The following SIDT2 variants were observed in gnomAD, a reference collection of about 807,000 sequenced individuals.
The protein encoded by SIDT2 is SID1 transmembrane family member 2, also known as SID1 transmembrane family, member 2.
Under a neutral mutation model 114.4 loss-of-function variants are expected in SIDT2, and 68 were observed. The observed-to-expected ratio is 0.59, with a 90% CI of 0.49 to 0.73. The LOEUF (loss-of-function observed/expected upper bound fraction) is 0.73, where lower values mean the gene tolerates loss of function less well. Among genes scored for constraint, SIDT2 ranks in the 30% least tolerant of loss-of-function variants. The pLI is 0.00. For synonymous variants in SIDT2, 470 were observed against 438.4 expected (o/e 1.07, Z -0.90); for missense variants, 918 against 1,097.1 (o/e 0.84, Z 2.31).
chr11:117,182,513 C>G lies in SIDT2; in HGVS notation c.517-6C>G, dbSNP rs746173558. On this transcript the variant is annotated splice_polypyrimidine_tract_variant and splice_region_variant and intron_variant, in intron 4 of 25. Coordinates refer to ENST00000324225, the MANE Select transcript of SIDT2 (RefSeq NM_001040455.2). ...TGGGGCTCTCCCTTCCTTCCTGCAC[C>G]CTCAGTACTTCAAGTATGAGTTCCC... The G allele has an allele frequency of 1.4e-5, 22 of 1,613,436 alleles. No individual in the cohort carries two copies. Among genetic ancestry groups the G allele is most frequent in the Middle Eastern group, 1.6e-4 (1 of 6,082 alleles).
rs1180887031 is a variant in SIDT2 at position 117,193,883 on chromosome 11, C to T, written c.2242C>T (p.Pro748Ser). 2 of 1,614,116 alleles carry T rather than the reference C, an allele frequency of 1.2e-6. No homozygotes were observed. The highest frequency in any genetic ancestry group is 2.2e-5 in the South Asian group (2 of 91,086). The stretch of plus-strand genomic sequence containing the variant: ...GAGTGGGGAGAGGATCAAGCTCATC[C>T]CCCTGCTCTGCATCGTTTGCACCTC... ...LRSGERIKLI[P>S]LLCIVCTSVV... The change falls in exon 24 of 26, where the codon CCC (proline) becomes TCC (serine). Residue 748 changes from proline (P) to serine (S), a missense_variant. Physicochemically the swap from Pro to Ser is moderately conservative, Grantham distance 74 (BLOSUM62 -1). This residue lies in a region of SIDT2 where 275 missense variants were observed against 397.6 expected (regional missense o/e 0.69). Transcript: ENST00000324225.
Position 117,190,949 on chromosome 11 carries a change from G to A in SIDT2, c.1735+209G>A. 1 of 544,610 alleles carries A rather than the reference G, an allele frequency of 1.8e-6. No homozygotes were observed. Among genetic ancestry groups the A allele is most frequent in the Non-Finnish European group, 3.3e-6 (1 of 303,476 alleles). 33.7% of individuals were successfully genotyped at this position (544,610 alleles called of 1,614,324 possible). A position where few individuals can be genotyped will look rare whatever the true frequency, so the allele number is the denominator to read the frequency against. The stretch of plus-strand genomic sequence containing the variant: ...ATCTGTCAAGCTATTCCTATGTAAA[G>A]GCATGTGCCGCAGTGAAGAAAACAG... On this transcript the variant is annotated intron_variant, in intron 18 of 25. Coordinates refer to ENST00000324225, the MANE Select transcript of SIDT2 (RefSeq NM_001040455.2). The surrounding 1 kb of genome is among the most constrained non-coding windows in gnomAD (Gnocchi z 4.1).
Position 117,196,480 on chromosome 11 carries a change from TC to T in SIDT2, c.*417del, listed in dbSNP as rs1299457437. 6.6e-5 allele frequency: 15 copies of T among 228,864 alleles called. No homozygotes were observed. The highest frequency in any genetic ancestry group is 1.2e-4 in the Non-Finnish European group (14 of 113,872). 14.2% of individuals were successfully genotyped at this position (228,864 alleles called of 1,614,324 possible). ...CCTGGGACCTAAGGCCTCTTTTTCC[TC>T]CCATACTCCCACTCCAGGGCCTAGT... On this transcript the variant is annotated 3_prime_UTR_variant, in exon 26 of 26. Coordinates refer to ENST00000324225, the MANE Select transcript of SIDT2 (RefSeq NM_001040455.2). This position sits in a 1 kb window ranked among gnomAD's most constrained non-coding sequence, Gnocchi z 4.9.
chr11:117,185,762 C>A (rs1028274500), intron 8 of SIDT2, among the ~76,000 whole-genome samples: 3 of 151,256 alleles, frequency 2.0e-5, no homozygotes, highest in African/African-American at 7.3e-5. Flanking sequence ...TCTGTAGTCC[C>A]AGCTACTCAG....
Position 117,192,977 on chromosome 11 carries a change from G to A in SIDT2, c.2105+111G>A. 4 of 1,448,806 alleles carry A rather than the reference G, an allele frequency of 2.8e-6. No individual in the cohort carries two copies. The highest frequency in any genetic ancestry group is 1.7e-4 in the Middle Eastern group (1 of 5,764). 89.7% of individuals were successfully genotyped at this position (1,448,806 alleles called of 1,614,324 possible). On this transcript the variant is annotated intron_variant, in intron 22 of 25. Transcript: ENST00000324225. The surrounding 1 kb of genome is among the most constrained non-coding windows in gnomAD (Gnocchi z 5.9). ...CTTCCAAATGTTGGGCATAAGACATGGGGGCTAAGAGAGATCTTGGCCTCT... is the reference window on the plus strand; with the variant it reads ...CTTCCAAATGTTGGGCATAAGACATAGGGGCTAAGAGAGATCTTGGCCTCT...
chr11:117,180,826 G>A (rs560697273), intron 1 of SIDT2, among the ~76,000 whole-genome samples: 5 of 152,154 alleles, frequency 3.3e-5, no homozygotes, highest in East Asian at 3.9e-4. Flanking sequence ...CACCGCACCC[G>A]GCTGTCATTT....
At position 117,185,397 on chromosome 11, in the gene SIDT2, AC is replaced by A. The variant is rs1016037808; in HGVS notation, c.869-731del. Among the ~76,000 whole-genome samples the A allele has an allele frequency of 3.4e-4, 51 of 152,156 alleles. 1 individual carries two copies. Among genetic ancestry groups the A allele is most frequent in the African/African-American group, 1.2e-3 (49 of 41,504 alleles). Reference sequence around the variant, plus strand: ...TTTATTCAGCAAATATTTATGGAGCACCTCCTATATGCCAGGTGGTATGCTA... The same window carrying A: ...TTTATTCAGCAAATATTTATGGAGCACTCCTATATGCCAGGTGGTATGCTA... On this transcript the variant is annotated intron_variant, in intron 8 of 25. Coordinates refer to ENST00000324225, the MANE Select transcript of SIDT2 (RefSeq NM_001040455.2).
In SIDT2 at chr11:117,192,904, C is replaced by T; in HGVS notation, c.2105+38C>T. ...AGCAGTAGTGGCCTGGTTGGGTGGA[C>T]AGCTGGGGACTCGGTCAGCCACTGG... is the stretch of plus-strand genomic sequence containing the variant. On this transcript the variant is annotated intron_variant, in intron 22 of 25. Transcript: ENST00000324225. This position sits in a 1 kb window ranked among gnomAD's most constrained non-coding sequence, Gnocchi z 5.9. The T allele has an allele frequency of 1.2e-6, 2 of 1,613,646 alleles. No homozygotes were observed. Among genetic ancestry groups the T allele is most frequent in the Non-Finnish European group, 8.5e-7 (1 of 1,179,646 alleles).
rs2030160400 is a variant in SIDT2, at chr11:117,179,226, G to GCCGCCACCA, written c.-33_-25dup. 1 of 1,591,164 alleles carries GCCGCCACCA rather than the reference G, an allele frequency of 6.3e-7. No homozygotes were observed. The highest frequency in any genetic ancestry group is 8.5e-7 in the Non-Finnish European group (1 of 1,170,374). ...TGTCCTGTCTCCTGTCGCCGCCGCC[G>GCCGCCACCA]CCGCCACCACCGCTGCCACTGCCGC... On this transcript the variant is annotated 5_prime_UTR_variant, in exon 1 of 26. Coordinates refer to ENST00000324225, the MANE Select transcript of SIDT2 (RefSeq NM_001040455.2).
Position 117,192,930 on chromosome 11 carries a change from C to T in SIDT2, c.2105+64C>T. 1 of 1,599,790 alleles carries T rather than the reference C, an allele frequency of 6.3e-7. No homozygotes were observed. Among genetic ancestry groups the T allele is most frequent in the South Asian group, 1.1e-5 (1 of 90,814 alleles). ...AGCTGGGGACTCGGTCAGCCACTGG[C>T]TGCCTTGGGGGCTAAGGACAACTTC... is the stretch of plus-strand genomic sequence containing the variant. On this transcript the variant is annotated intron_variant, in intron 22 of 25. Coordinates refer to ENST00000324225, the MANE Select transcript of SIDT2 (RefSeq NM_001040455.2). The surrounding 1 kb of genome is among the most constrained non-coding windows in gnomAD (Gnocchi z 5.9).
At position 117,190,025 on chromosome 11, in the gene SIDT2, G is replaced by GGT. The variant is rs1319892094; in HGVS notation, c.1493+2_1493+3dup. On this transcript the variant is annotated frameshift_variant and splice_region_variant. Coordinates refer to ENST00000324225, the MANE Select transcript of SIDT2 (RefSeq NM_001040455.2). LOFTEE classifies it high-confidence loss of function. This position sits in a 1 kb window ranked among gnomAD's most constrained non-coding sequence, Gnocchi z 4.1. ...TGCGCCCACCCACTGGGCAATCTCA[G>GGT]GTGGGGGTCATGCTGGGAGGCCCCT... The GGT allele has an allele frequency of 3.7e-6, 6 of 1,614,036 alleles. No homozygotes were observed. Among genetic ancestry groups the GGT allele is most frequent in the Non-Finnish European group, 5.1e-6 (6 of 1,180,030 alleles).
Position 117,178,966 on chromosome 11 carries a change from C to G in SIDT2, c.-298C>G. On this transcript the variant is annotated 5_prime_UTR_variant, in exon 1 of 26. Transcript: ENST00000324225. ...GCCGCCCTCCTTCTCACGGCCCTGG[C>G]CCGGGGCTCCAGGGTCTCAGGTCGT... 2.9e-6 allele frequency: 1 copy of G among 348,668 alleles called. No homozygotes were observed. The highest frequency in any genetic ancestry group is 5.3e-6 in the Non-Finnish European group (1 of 190,290). 21.6% of individuals were successfully genotyped at this position (348,668 alleles called of 1,614,324 possible).
At chr11:117,186,433 C>A in intron 9 of SIDT2, 151 bp from the exon 10 acceptor site, 2 of 922,976 alleles carry the variant, frequency 2.2e-6, no homozygotes, top group Non-Finnish European at 3.4e-6. Context: ...TCCCATGTTG[C>A]TCCCCAGCCT....
Position 117,196,528 on chromosome 11 carries a change from T to G in SIDT2, c.*462T>G. 1 of 184,492 alleles carries G rather than the reference T, an allele frequency of 5.4e-6. No homozygotes were observed. The highest frequency in any genetic ancestry group is 1.2e-5 in the Non-Finnish European group (1 of 86,446). 11.4% of individuals were successfully genotyped at this position (184,492 alleles called of 1,614,324 possible). On this transcript the variant is annotated 3_prime_UTR_variant, in exon 26 of 26. Coordinates refer to ENST00000324225, the MANE Select transcript of SIDT2 (RefSeq NM_001040455.2). The surrounding 1 kb of genome is among the most constrained non-coding windows in gnomAD (Gnocchi z 4.9). ...TAGTCTGGGGCCTGAATCTCTGTCC[T>G]GTATCAGGGCCCCAGTTCTCTTTGG...
chr11:117,182,152 G>A, intron 4 of SIDT2, 47 bp downstream of exon 4: 1 of 1,605,566 alleles, frequency 6.2e-7, no homozygotes, highest in South Asian at 1.1e-5. Flanking sequence ...GGGGGAGCTT[G>A]AATATGAGAA....
rs754889855 is a variant in SIDT2 at position 117,179,460 on chromosome 11, G to C, written c.183+14G>C. The C allele has an allele frequency of 6.2e-6, 10 of 1,608,408 alleles. No individual in the cohort carries two copies. The highest frequency in any genetic ancestry group is 5.3e-5 in the African/African-American group (4 of 74,806). On this transcript the variant is annotated intron_variant, in intron 1 of 25. Transcript: ENST00000324225. ...ACCCGCAACAGGGTGAGGGCTGGGG[G>C]CTTAGGGGCCAGAGGCGAGTGGGGA... is the stretch of plus-strand genomic sequence containing the variant.
At chr11:117,180,493 A>G (rs1591764764) in intron 1 of SIDT2, among the ~76,000 whole-genome samples, 1 of 135,960 alleles carries the variant, frequency 7.4e-6, no homozygotes, top group South Asian at 2.4e-4. Context: ...TTGTTTATAT[A>G]TGTTCCTTCA....
In SIDT2 at chr11:117,186,268, C is replaced by T. The variant is rs373724349; in HGVS notation, c.962+45C>T. 6 of 1,563,598 alleles carry T rather than the reference C, an allele frequency of 3.8e-6. No individual in the cohort carries two copies. The Admixed American group carries it at 6.7e-5, about 17-fold the overall frequency. ...CCTCCCCTGGTCTGGGTGGTTTGGGCAGGTGTGTGGGGCAGATCACCTGGC... is the reference window on the plus strand; with the variant it reads ...CCTCCCCTGGTCTGGGTGGTTTGGGTAGGTGTGTGGGGCAGATCACCTGGC... On this transcript the variant is annotated intron_variant, in intron 9 of 25. Transcript: ENST00000324225.
chr11:117,182,499 C>T lies in SIDT2; in HGVS notation c.517-20C>T, dbSNP rs199937357. 43 of 1,607,836 alleles carry T rather than the reference C, an allele frequency of 2.7e-5. No homozygotes were observed. The highest frequency in any genetic ancestry group is 3.3e-5 in the Admixed American group (2 of 60,022). ...GCATCCTCATGAGATGGGGCTCTCC[C>T]TTCCTTCCTGCACCCTCAGTACTTC... is the stretch of plus-strand genomic sequence containing the variant. On this transcript the variant is annotated intron_variant, in intron 4 of 25. Coordinates refer to ENST00000324225, the MANE Select transcript of SIDT2 (RefSeq NM_001040455.2).
Sources: allele counts gnomAD v4.1 joint callset (sites outside exome capture counted in the v4.1 genomes callset), GRCh38; gene constraint gnomAD v4.1.1; regional missense constraint gnomAD v4.1.1; non-coding constraint Gnocchi (gnomAD v3.1); transcripts MANE v1.5; gene names NCBI Gene and HGNC (gene_info 2026-07-23, HGNC 2026-07-21).